The following MUC17 variants were observed in gnomAD, a reference collection of about 807,000 sequenced individuals.
The protein encoded by MUC17 is mucin 17, cell surface associated, also known as mucin-17.
Under a neutral mutation model 170.3 loss-of-function variants are expected in MUC17, and 190 were observed. The ratio of observed to expected loss-of-function variants is 1.12; its 90% confidence interval spans 0.99 to 1.26. MUC17 has a LOEUF of 1.26. Among genes scored for constraint, MUC17 ranks in the 50% most tolerant of loss-of-function variants. MUC17 has a pLI of 0.00. For synonymous variants in MUC17, 2,325 were observed against 2,002.5 expected (o/e 1.16, Z -4.30); for missense variants, 6,415 against 5,530.0 (o/e 1.16, Z -5.08).
chr7:101,046,069 G>A, intron 3 of MUC17, among the ~76,000 whole-genome samples: 1 of 152,178 alleles, frequency 6.6e-6, no homozygotes, highest in East Asian at 1.9e-4. Context: ...GTGAAAGCGG[G>A]AGAGAGATAG....
chr7:101,053,050 C>G lies in MUC17; in HGVS notation c.13168C>G (p.Leu4390Val), dbSNP rs779147429. 1.2e-6 allele frequency: 2 copies of G among 1,614,158 alleles called. No individual in the cohort carries two copies. Among genetic ancestry groups the G allele is most frequent in the Non-Finnish European group, 1.7e-6 (2 of 1,180,044 alleles). The change falls in exon 10 of 13, where the codon CTG becomes GTG. Residue 4390 changes from leucine to valine, a missense_variant. Transcript: ENST00000306151. ...CTGTAACCAGGGCACCCAGAAGAGT[C>G]TGGTGTACGGCCTCGTGGGGGCAGG... ...ETCNQGTQKS[L>V]VYGLVGAGVV...
In MUC17 at chr7:101,042,535, A is replaced by G; in HGVS notation, c.11119A>G (p.Thr3707Ala). The change falls in exon 3 of 13, where the codon ACC becomes GCC. Residue 3707 changes from threonine (T) to alanine (A), a missense_variant. Physicochemically the swap from Thr to Ala is moderately conservative, Grantham distance 58. Coordinates refer to ENST00000306151, the MANE Select transcript of MUC17 (RefSeq NM_001040105.2). The part of the protein sequence containing the change: ...TTMPVSTTRV[T>A]SSEGSTLSTP... ...TATGCCTGTCAGCACCACACGTGTG[A>G]CCAGCTCTGAGGGTAGCACCCTTTC... 1 of 1,613,920 alleles carries G rather than the reference A, an allele frequency of 6.2e-7. No homozygotes were observed. Among genetic ancestry groups the G allele is most frequent in the Non-Finnish European group, 8.5e-7 (1 of 1,179,952 alleles).
At position 101,041,994 on chromosome 7, in the gene MUC17, C is replaced by A. The variant is rs1794724333; in HGVS notation, c.10578C>A (p.Thr3526=). Residue 3526 remains threonine (T), a synonymous_variant, in exon 3 of 13, where the codon ACC becomes ACA. Transcript: ENST00000306151. ...STPLTNMPVS[T]TPVASSEAST... ...CATTAACAAATATGCCTGTCAGCAC[C>A]ACACCGGTGGCCAGTTCTGAGGCTA... is the stretch of plus-strand genomic sequence containing the variant. 1 of 1,613,694 alleles carries A rather than the reference C, an allele frequency of 6.2e-7. No homozygotes were observed. Among genetic ancestry groups the A allele is most frequent in the African/African-American group, 1.3e-5 (1 of 75,034 alleles).
At position 101,043,375 on chromosome 7, in the gene MUC17, A is replaced by G. The variant is rs1489970100; in HGVS notation, c.11959A>G (p.Thr3987Ala). Reference protein sequence around the residue: ...SSSSTTTSFSTTKEFTTPAMT... With the variant: ...SSSSTTTSFSATKEFTTPAMT... ...TAGTAGTACCACCACATCTTTTTCA[A>G]CTACTAAGGAATTTACAACACCCGC... The change falls in exon 3 of 13, where the codon ACT becomes GCT. Residue 3987 changes from threonine to alanine, a missense_variant. Coordinates refer to ENST00000306151, the MANE Select transcript of MUC17 (RefSeq NM_001040105.2). 2.5e-6 allele frequency: 4 copies of G among 1,614,060 alleles called. No homozygotes were observed. The Admixed American group carries it at 5.0e-5, about 20-fold the overall frequency.
chr7:101,042,874 C>T lies in MUC17; in HGVS notation c.11458C>T (p.Leu3820Phe). ...SERSTLLTTVLISPISVMSPS... is the reference protein window; with the variant it reads ...SERSTLLTTVFISPISVMSPS... ...AAGAAGCACTTTATTGACAACTGTC[C>T]TCATCAGCCCTATATCTGTGATGAG... Residue 3820 changes from leucine to phenylalanine, a missense_variant, in exon 3 of 13, where the codon CTC becomes TTC. Coordinates refer to ENST00000306151, the MANE Select transcript of MUC17 (RefSeq NM_001040105.2). The T allele has an allele frequency of 6.2e-7, 1 of 1,614,140 alleles. No homozygotes were observed. The highest frequency in any genetic ancestry group is 2.2e-5 in the East Asian group (1 of 44,882).
chr7:101,020,276 C>G, intron 1 of MUC17, 59 bp downstream of exon 1: 5 of 1,461,560 alleles, frequency 3.4e-6, no homozygotes, highest in Non-Finnish European at 4.7e-6. Context: ...CCAGCCTGCT[C>G]TGTCTGCCCA....
In MUC17 at chr7:101,033,253, A is replaced by G; in HGVS notation, c.1837A>G (p.Thr613Ala). The G allele has an allele frequency of 6.2e-7, 1 of 1,614,104 alleles. No homozygotes were observed. The highest frequency in any genetic ancestry group is 8.5e-7 in the Non-Finnish European group (1 of 1,180,032). Residue 613 changes from threonine (T) to alanine (A), a missense_variant, in exon 3 of 13, where the codon ACT (threonine) becomes GCT (alanine). By Grantham distance (58) the Thr-to-Ala change is moderately conservative. Coordinates refer to ENST00000306151, the MANE Select transcript of MUC17 (RefSeq NM_001040105.2). ...TSSEASSSST[T>A]AEGTSMPTST... is the part of the protein sequence containing the mutation. ...TAGTGAAGCTAGTTCATCTTCTACAACTGCTGAAGGTACCAGCATGCCAAC... is the reference window on the plus strand; with the variant it reads ...TAGTGAAGCTAGTTCATCTTCTACAGCTGCTGAAGGTACCAGCATGCCAAC...
In MUC17 at chr7:101,047,975, G is replaced by T. The variant is rs1051014454; in HGVS notation, c.12404-9G>T. Reference sequence around the variant, plus strand: ...ACTTGGAAAGAAAACTTCTGTGATTGTTCCACAGGCTTTGGAGATGGGTGC... The same window carrying T: ...ACTTGGAAAGAAAACTTCTGTGATTTTTCCACAGGCTTTGGAGATGGGTGC... On this transcript the variant is annotated splice_polypyrimidine_tract_variant and intron_variant, in intron 3 of 12. Coordinates refer to ENST00000306151, the MANE Select transcript of MUC17 (RefSeq NM_001040105.2). 2 of 1,576,222 alleles carry T rather than the reference G, an allele frequency of 1.3e-6. No homozygotes were observed. Among genetic ancestry groups the T allele is most frequent in the African/African-American group, 2.7e-5 (2 of 73,196 alleles).
Position 101,033,086 on chromosome 7 carries a change from G to C in MUC17, c.1670G>C (p.Gly557Ala), listed in dbSNP as rs755642154. ...EASSSSTTPEGTSIPTSTPSE... is the reference protein window; with the variant it reads ...EASSSSTTPEATSIPTSTPSE... Reference sequence around the variant, plus strand: ...AGTTCATCTTCTACAACTCCTGAAGGTACCAGCATACCAACCTCAACTCCT... The same window carrying C: ...AGTTCATCTTCTACAACTCCTGAAGCTACCAGCATACCAACCTCAACTCCT... The change falls in exon 3 of 13, where the codon GGT becomes GCT. Residue 557 changes from glycine (G) to alanine (A), a missense_variant. Coordinates refer to ENST00000306151, the MANE Select transcript of MUC17 (RefSeq NM_001040105.2). The C allele has an allele frequency of 6.3e-7, 1 of 1,597,766 alleles. No homozygotes were observed. The highest frequency in any genetic ancestry group is 1.7e-5 in the Admixed American group (1 of 58,292).
chr7:101,037,621 G>T lies in MUC17; in HGVS notation c.6205G>T (p.Val2069Phe), dbSNP rs1378342420. The T allele has an allele frequency of 6.2e-7, 1 of 1,613,756 alleles. No individual in the cohort carries two copies. Residue 2069 changes from valine to phenylalanine, a missense_variant, in exon 3 of 13, where the codon GTT becomes TTT. Transcript: ENST00000306151. The stretch of plus-strand genomic sequence containing the variant: ...GGGTAACACCCTTTCAACAACTCCT[G>T]TTGACTCCAAAACTCAGGTGACCAA... ...SEGNTLSTTP[V>F]DSKTQVTNST...
chr7:101,040,495 T>G lies in MUC17; in HGVS notation c.9079T>G (p.Ser3027Ala). The change falls in exon 3 of 13, where the codon TCT (serine) becomes GCT (alanine). Residue 3027 changes from serine to alanine, a missense_variant. By Grantham distance (99) the Ser-to-Ala change is moderately conservative. Transcript: ENST00000306151. ...PVTTSTEASS[S>A]PTTAEGTGIP... ...GACCACTTCTACTGAAGCCAGTTCC[T>G]CTCCTACAACTGCTGAAGGTACCGG... The G allele has an allele frequency of 6.2e-7, 1 of 1,611,326 alleles. No homozygotes were observed. The highest frequency in any genetic ancestry group is 1.3e-5 in the African/African-American group (1 of 74,406).
Position 101,048,844 on chromosome 7 carries a change from G to C in MUC17, c.12536-1G>C, listed in dbSNP as rs548742093. ...TTGCTCAGTAAGTCTACCCGCCTCA[G>C]GGCCACCGGAGACTATCTCTGCCCA... On this transcript the variant is annotated splice_acceptor_variant, in intron 4 of 12. Coordinates refer to ENST00000306151, the MANE Select transcript of MUC17 (RefSeq NM_001040105.2). LOFTEE classifies it high-confidence loss of function. The C allele has an allele frequency of 6.2e-7, 1 of 1,614,030 alleles. No individual in the cohort carries two copies. Among genetic ancestry groups the C allele is most frequent in the South Asian group, 1.1e-5 (1 of 91,080 alleles).
rs1179045740 is a variant in MUC17 at position 101,058,221 on chromosome 7, A to C, written c.*177A>C. 1.9e-6 allele frequency: 1 copy of C among 516,700 alleles called. No homozygotes were observed. The highest frequency in any genetic ancestry group is 3.4e-6 in the Non-Finnish European group (1 of 290,370). 32.0% of individuals were successfully genotyped at this position (516,700 alleles called of 1,614,324 possible). ...GACAGCAGTGCTGGGAGATTCTCAA[A>C]TAGAAACCCGTGGACGCTCCAATGG... On this transcript the variant is annotated 3_prime_UTR_variant, in exon 13 of 13. Coordinates refer to ENST00000306151, the MANE Select transcript of MUC17 (RefSeq NM_001040105.2).
rs1562815394 is a variant in MUC17 at position 101,040,034 on chromosome 7, G to T, written c.8618G>T (p.Ser2873Ile). The T allele has an allele frequency of 6.2e-7, 1 of 1,612,684 alleles. No homozygotes were observed. The highest frequency in any genetic ancestry group is 1.3e-5 in the African/African-American group (1 of 74,674). ...TASEGSTLLTSIPVSTTPVAS... is the reference protein window; with the variant it reads ...TASEGSTLLTIIPVSTTPVAS... Reference sequence around the variant, plus strand: ...AGTGAAGGAAGTACTCTATTAACAAGTATACCTGTCAGCACCACGCCGGTG... The same window carrying T: ...AGTGAAGGAAGTACTCTATTAACAATTATACCTGTCAGCACCACGCCGGTG... The change falls in exon 3 of 13, where the codon AGT (serine) becomes ATT (isoleucine). Residue 2873 changes from serine (S) to isoleucine (I), a missense_variant. Transcript: ENST00000306151.
rs10265276 is a variant in MUC17, at chr7:101,035,140, T to G, written c.3724T>G (p.Ser1242Ala). The G allele has an allele frequency of 3.1e-6, 5 of 1,601,450 alleles. No homozygotes were observed. The South Asian group carries it at 4.4e-5, about 14-fold the overall frequency. The change falls in exon 3 of 13, where the codon TCT becomes GCT. Residue 1242 changes from serine (S) to alanine (A), a missense_variant. Transcript: ENST00000306151. ...ASSEASTLST[S>A]PVDTSTPVTT... ...TTCTGAGGCTAGCACCCTTTCAACA[T>G]CTCCCGTTGACACCAGCACACCTGT...
At position 101,042,836 on chromosome 7, in the gene MUC17, C is replaced by T; in HGVS notation, c.11420C>T (p.Ser3807Leu). The change falls in exon 3 of 13, where the codon TCA becomes TTA. Residue 3807 changes from serine (S) to leucine (L), a missense_variant. Coordinates refer to ENST00000306151, the MANE Select transcript of MUC17 (RefSeq NM_001040105.2). ...GAAGGCACCACCACCATGCCTATGT[C>T]AACTACGAGTGAAAGAAGCACTTTA... is the stretch of plus-strand genomic sequence containing the variant. The part of the protein sequence containing the change: ...TLEGTTTMPM[S>L]TTSERSTLLT... The T allele has an allele frequency of 1.5e-5, 24 of 1,614,176 alleles. No individual in the cohort carries two copies. The highest frequency in any genetic ancestry group is 2.0e-5 in the Non-Finnish European group (24 of 1,180,044).
intron 4 of MUC17, chr7:101,048,335 T>A: frequency 2.9e-6 from 1 of 344,608 alleles, no homozygotes; most frequent in Non-Finnish European, 5.0e-6. Flanking sequence ...GGCTCTCGCC[T>A]GTAATTCCAG....
chr7:101,043,850 T>A lies in MUC17; in HGVS notation c.12403+31T>A, dbSNP rs113233183. The A allele has an allele frequency of 2.4e-3, 3,730 of 1,557,288 alleles. 83 individuals are homozygous for A. In the African/African-American group the frequency reaches 0.042, roughly 18 times the overall value. On this transcript the variant is annotated intron_variant, in intron 3 of 12. Coordinates refer to ENST00000306151, the MANE Select transcript of MUC17 (RefSeq NM_001040105.2). ...TGATTTCTTGAATTTTCCTTTTTTT[T>A]AAAATTATACTGTAAGTTCTAGGGT...
intron 1 of MUC17, among the ~76,000 whole-genome samples, chr7:101,023,379 G>T (rs568427543): frequency 6.6e-6 from 1 of 152,176 alleles, no homozygotes; most frequent in South Asian, 2.1e-4. Flanking sequence ...AAATTAAAAA[G>T]AAATATTTTT....
Sources: allele counts gnomAD v4.1 joint callset (sites outside exome capture counted in the v4.1 genomes callset), GRCh38; gene constraint gnomAD v4.1.1; transcripts MANE v1.5; gene names NCBI Gene and HGNC (gene_info 2026-07-23, HGNC 2026-07-21).